PIK3C2A: variants seen among roughly 807,000 people sequenced by gnomAD.
The protein encoded by PIK3C2A is phosphatidylinositol-4-phosphate 3-kinase catalytic subunit type 2 alpha.
In PIK3C2A, 97 loss-of-function variants were observed where a neutral mutation model predicts 204.5. That is an observed-to-expected ratio of 0.47 (90% CI 0.40 to 0.56). PIK3C2A has a LOEUF of 0.56. Ranked by LOEUF, PIK3C2A falls within the 20% of genes least tolerant of loss-of-function variation. PIK3C2A has a pLI of 0.00. For synonymous variants in PIK3C2A, 653 were observed against 664.4 expected, an observed-to-expected ratio of 0.98 and a Z score of 0.26; for missense variants, 1,735 against 1,969.2, an observed-to-expected ratio of 0.88 and a Z score of 2.25.
chr11:17,156,965 C>T (rs1850615632), intron 2 of PIK3C2A, among the ~76,000 whole-genome samples: 1 of 152,080 alleles, frequency 6.6e-6, no homozygotes, highest in African/African-American at 2.4e-5. Flanking sequence ...CACAGTGAAG[C>T]CCCATCTCTA....
intron 1 of PIK3C2A, among the ~76,000 whole-genome samples, chr11:17,172,517 T>C (rs1310416889): frequency 2.0e-5 from 3 of 152,180 alleles, no homozygotes; most frequent in African/African-American, 7.2e-5. Context: ...TAAAGCCAAA[T>C]TGATAACCCA....
chr11:17,193,869 A>AGGGGAGGGGAGGGGAGGGGAGGGGAGGAG, intron 1 of PIK3C2A: 1 of 91,888 alleles, frequency 1.1e-5, no homozygotes, highest in South Asian at 1.8e-4. Context: ...AAAGAAAAGA[A>AGGGGAGGGGAGGGGAGGGGAGGGGAGGAG]AAGAAAAGAA....
chr11:17,116,479 T>A (rs1178432603), intron 19 of PIK3C2A, among the ~76,000 whole-genome samples: 1 of 152,164 alleles, frequency 6.6e-6, no homozygotes, highest in East Asian at 1.9e-4. Flanking sequence ...AGACAATAAT[T>A]CTATGATTCC....
At chr11:17,178,854 C>T (rs1351619347) in intron 1 of PIK3C2A, among the ~76,000 whole-genome samples, 2 of 150,964 alleles carry the variant, frequency 1.3e-5, no homozygotes, top group South Asian at 2.1e-4. Flanking sequence ...CTCAGCCTCC[C>T]GAGTAGCTGG....
At chr11:17,161,179 C>T (rs928232176) in intron 2 of PIK3C2A, among the ~76,000 whole-genome samples, 1 of 152,178 alleles carries the variant, frequency 6.6e-6, no homozygotes, top group African/African-American at 2.4e-5. Flanking sequence ...TGCCACATTA[C>T]CCAGAAATTA....
intron 15 of PIK3C2A, among the ~76,000 whole-genome samples, chr11:17,121,717 A>T (rs1849372831): frequency 6.6e-6 from 1 of 152,172 alleles, no homozygotes; most frequent in African/African-American, 2.4e-5. Flanking sequence ...CTGATTACTG[A>T]GAAATTGAAC....
At chr11:17,165,369 G>A (rs1276103667) in intron 2 of PIK3C2A, among the ~76,000 whole-genome samples, 2 of 152,094 alleles carry the variant, frequency 1.3e-5, no homozygotes, top group African/African-American at 4.8e-5. Flanking sequence ...AACTCTCTAG[G>A]ATACTGTGAC....
intron 1 of PIK3C2A, among the ~76,000 whole-genome samples, chr11:17,201,752 T>G (rs537451808): frequency 1.3e-5 from 2 of 152,286 alleles, no homozygotes; most frequent in African/African-American, 4.8e-5. Context: ...TCCATTTGAC[T>G]ATATTATCCC....
intron 2 of PIK3C2A, among the ~76,000 whole-genome samples, chr11:17,156,479 T>G (rs10466419): frequency 0.012 from 1,847 of 152,270 alleles, 15 homozygotes; most frequent in South Asian, 0.023. Context: ...TTTGACCTCC[T>G]GAGGTCAGGT....
chr11:17,140,720 T>C (rs1850036304), intron 8 of PIK3C2A, among the ~76,000 whole-genome samples: 1 of 152,190 alleles, frequency 6.6e-6, no homozygotes, highest in African/African-American at 2.4e-5. Flanking sequence ...GTTCTAAAAC[T>C]GGATTGTGGT....
chr11:17,148,521 T>TTTCAATAAAAGTTTATTGA, intron 5 of PIK3C2A, 146 bp downstream of exon 5: 1 of 687,872 alleles, frequency 1.5e-6, no homozygotes, highest in Non-Finnish European at 2.4e-6. Flanking sequence ...ACATTATATA[T>TTTCAATAAAAGTTTATTGA]TTCAATAAAA....
At chr11:17,193,914 A>G (rs370902029) in intron 1 of PIK3C2A, 101 of 257,146 alleles carry the variant, frequency 3.9e-4, no homozygotes, top group Admixed American at 1.3e-3. Context: ...AAAGAAAAGA[A>G]AAGAAACCCC....
intron 1 of PIK3C2A, among the ~76,000 whole-genome samples, chr11:17,179,009 G>A (rs1280714523): frequency 1.3e-5 from 2 of 151,764 alleles, no homozygotes; most frequent in African/African-American, 4.8e-5. Flanking sequence ...GATTACAGGC[G>A]TGAGCCACCG....
chr11:17,105,145 A>G (rs1424250351), intron 23 of PIK3C2A, 24 bp downstream of exon 23: 9 of 1,592,168 alleles, frequency 5.7e-6, no homozygotes, highest in Non-Finnish European at 7.7e-6. Flanking sequence ...AAAGCTTTTT[A>G]GAATGAGGAG....
intron 11 of PIK3C2A, 49 bp from the exon 12 acceptor site, chr11:17,132,087 G>C (rs764022883): frequency 9.0e-7 from 1 of 1,113,328 alleles, no homozygotes; most frequent in South Asian, 1.4e-5. Flanking sequence ...ATACAAATTA[G>C]TTAACTAATA....
intron 15 of PIK3C2A, among the ~76,000 whole-genome samples, chr11:17,121,183 T>C (rs1277135157): frequency 6.6e-6 from 1 of 152,260 alleles, no homozygotes; most frequent in African/African-American, 2.4e-5. Context: ...AGTGATGAGA[T>C]CATAGATCAC....
At chr11:17,179,011 G>T (rs1222423954) in intron 1 of PIK3C2A, among the ~76,000 whole-genome samples, 1 of 150,904 alleles carries the variant, frequency 6.6e-6, no homozygotes, top group Non-Finnish European at 1.5e-5. Context: ...TTACAGGCGT[G>T]AGCCACCGCG....
rs556123687 is a variant in PIK3C2A, at chr11:17,171,955, A to G, written c.-65-2149T>C. 2.8e-4 allele frequency among the ~76,000 whole-genome samples: 42 copies of G among 152,340 alleles called. No individual in the cohort carries two copies. The South Asian group carries it at 8.7e-3, about 32-fold the overall frequency. ...AAAAGGTAAACTAATGGATAGCAGGATAGATGGATAAATATGTGATTAGAC... is the reference window on the plus strand; with the variant it reads ...AAAAGGTAAACTAATGGATAGCAGGGTAGATGGATAAATATGTGATTAGAC... On this transcript the variant is annotated intron_variant, in intron 1 of 32. Transcript: ENST00000691414.
At position 17,136,613 on chromosome 11, in the gene PIK3C2A, C is replaced by T. The variant is rs139987687; in HGVS notation, c.1717G>A (p.Ala573Thr). 7 of 1,572,290 alleles carry T rather than the reference C, an allele frequency of 4.5e-6. No individual in the cohort carries two copies. In the Admixed American group the frequency reaches 7.4e-5, roughly 17 times the overall value. ...LALQIENQHR[A>T]VDQVIKAVRK... ...ACAGCTTTAATTACTTGATCTACTG[C>T]TCGGTGTTGGTTCTTTAAAAATAAA... Residue 573 changes from alanine to threonine, a missense_variant, in exon 9 of 33, where the codon GCA becomes ACA. Physicochemically the swap from Ala to Thr is moderately conservative, Grantham distance 58 (BLOSUM62 0). Coordinates refer to ENST00000691414, the MANE Select transcript of PIK3C2A (RefSeq NM_002645.4).
Sources: allele counts gnomAD v4.1 joint callset (sites outside exome capture counted in the v4.1 genomes callset), GRCh38; gene constraint gnomAD v4.1.1; transcripts MANE v1.5; gene names NCBI Gene and HGNC (gene_info 2026-07-23, HGNC 2026-07-21).